The following LATS2 variants were observed in gnomAD, a reference collection of about 807,000 sequenced individuals.
The protein encoded by LATS2 is serine/threonine-protein kinase LATS2.
In LATS2, 24 loss-of-function variants were observed where a neutral mutation model predicts 76.0. The observed-to-expected ratio is 0.32, with a 90% CI of 0.23 to 0.44. The LOEUF (loss-of-function observed/expected upper bound fraction) is 0.44, where lower values mean the gene tolerates loss of function less well. Ranked by LOEUF, LATS2 falls within the 20% of genes least tolerant of loss-of-function variation. The probability of loss-of-function intolerance (pLI) is 1.00; values close to 1 mark genes in which losing one functional copy is unlikely to be tolerated. For missense variants in LATS2, 1,286 were observed against 1,481.2 expected (o/e 0.87, Z 2.16); for synonymous variants, 692 against 635.4 (o/e 1.09, Z -1.34).
intron 2 of LATS2, among the ~76,000 whole-genome samples, chr13:21,018,383 G>C (rs1341231976): frequency 1.7e-5 from 2 of 120,888 alleles, no homozygotes; most frequent in East Asian, 3.2e-4. Flanking sequence ...AAGATGAGGA[G>C]ACAAGGGTTG....
intron 2 of LATS2, among the ~76,000 whole-genome samples, chr13:21,035,590 C>A (rs1249076704): frequency 6.6e-6 from 1 of 152,210 alleles, no homozygotes; most frequent in African/African-American, 2.4e-5. Flanking sequence ...TAGATCTCTA[C>A]AACCACATGA....
At chr13:21,001,982 C>T (rs531001985) in intron 2 of LATS2, among the ~76,000 whole-genome samples, 7 of 151,830 alleles carry the variant, frequency 4.6e-5, no homozygotes, top group East Asian at 3.9e-4. Flanking sequence ...GGCACTATCT[C>T]GGCTCACTGC....
chr13:21,005,532 G>A (rs536186250), intron 2 of LATS2: 11 of 152,202 alleles, frequency 7.2e-5, no homozygotes, highest in Non-Finnish European at 1.6e-4. Flanking sequence ...CTGACAGGAA[G>A]AGTAATAAGA....
rs2770928 is a variant in LATS2, at chr13:20,988,693, C to T, written c.1087G>A (p.Gly363Ser). ...NSLNVDLYEL[G>S]STSVQQWPAA... ...GGCCACTGCTGGACGGAGGTGCTGC[C>T]CAATTCATACAGGTCCACGTTGAGG... The change falls in exon 4 of 8, where the codon GGC (glycine) becomes AGC (serine). Residue 363 changes from glycine to serine, a missense_variant. Transcript: ENST00000382592. 1,375,613 of 1,569,610 alleles carry T rather than the reference C, an allele frequency of 0.88. 604,872 individuals carry two copies. Among genetic ancestry groups the T allele is most frequent in the East Asian group, 1 (44,264 of 44,298 alleles).
intron 4 of LATS2, among the ~76,000 whole-genome samples, chr13:20,985,943 C>T (rs1870120399): frequency 6.6e-6 from 1 of 152,016 alleles, no homozygotes; most frequent in Non-Finnish European, 1.5e-5. Flanking sequence ...GCTCGGTAGG[C>T]TGAGGCAGGA....
rs185326327 is a variant in LATS2 at position 20,989,218 on chromosome 13, C to T, written c.562G>A (p.Gly188Ser). ...DSFASYHQLS[G>S]TPYEGPSFGA... is the part of the protein sequence containing the mutation. ...AAGCTTGGGCCCTCGTAGGGGGTAC[C>T]GCTCAGCTGGTGGTAGGACGCAAAC... The change falls in exon 4 of 8, where the codon GGT (glycine) becomes AGT (serine). Residue 188 changes from glycine (G) to serine (S), a missense_variant. Around this residue, in one of 5 missense-constraint regions of LATS2, gnomAD observed 710 missense variants for 660.9 expected, o/e 1.07. Coordinates refer to ENST00000382592, the MANE Select transcript of LATS2 (RefSeq NM_014572.3). 31 of 1,613,858 alleles carry T rather than the reference C, an allele frequency of 1.9e-5. No homozygotes were observed. Among genetic ancestry groups the T allele is most frequent in the Middle Eastern group, 1.6e-4 (1 of 6,062 alleles).
rs1233689558 is a variant in LATS2, at chr13:20,988,748, C to T, written c.1032G>A (p.Pro344=). 6 of 1,576,172 alleles carry T rather than the reference C, an allele frequency of 3.8e-6. No individual in the cohort carries two copies. Among genetic ancestry groups the T allele is most frequent in the Admixed American group, 3.5e-5 (2 of 57,142 alleles). ...TCCGCGAGGGAGTGAGCAGGCTCTG[C>T]GGGGGGCTGTCGCTGGCGAACACCT... ...RSQVFASDSP[P]QSLLTPSRNS... The change falls in exon 4 of 8, where the codon CCG becomes CCA. Residue 344 remains proline (P), a synonymous_variant. Transcript: ENST00000382592.
chr13:21,058,588 A>G (rs1485552996), intron 1 of LATS2, among the ~76,000 whole-genome samples: 1 of 152,230 alleles, frequency 6.6e-6, no homozygotes, highest in Non-Finnish European at 1.5e-5. Context: ...TCCAATTTAC[A>G]CTTAAACTAT....
chr13:20,991,246 C>T lies in LATS2; in HGVS notation c.475+26G>A. On this transcript the variant is annotated intron_variant, in intron 3 of 7. Coordinates refer to ENST00000382592, the MANE Select transcript of LATS2 (RefSeq NM_014572.3). The surrounding 1 kb of genome is among the most constrained non-coding windows in gnomAD (Gnocchi z 4.9). ...TCCTTAAGCCACAAACCATCTTTGCCCACTATGCTGCAGGCCTGGGCTCAC... is the reference window on the plus strand; with the variant it reads ...TCCTTAAGCCACAAACCATCTTTGCTCACTATGCTGCAGGCCTGGGCTCAC... 6.2e-7 allele frequency: 1 copy of T among 1,613,774 alleles called. No individual in the cohort carries two copies. The highest frequency in any genetic ancestry group is 8.5e-7 in the Non-Finnish European group (1 of 1,179,820).
In LATS2 at chr13:20,988,123, C is replaced by T. The variant is rs748732052; in HGVS notation, c.1657G>A (p.Gly553Ser). The T allele has an allele frequency of 1.2e-6, 2 of 1,614,252 alleles. No individual in the cohort carries two copies. The highest frequency in any genetic ancestry group is 2.2e-5 in the South Asian group (2 of 91,092). ...SLRAGPNEPE[G>S]GDKSRKSAKG... is the part of the protein sequence containing the mutation. The stretch of plus-strand genomic sequence containing the variant: ...GCGCTTTTGCGGCTCTTGTCGCCGC[C>T]CTCGGGCTCGTTGGGGCCCGCACGG... The change falls in exon 4 of 8, where the codon GGC becomes AGC. Residue 553 changes from glycine to serine, a missense_variant. By Grantham distance (56) the Gly-to-Ser change is moderately conservative. Transcript: ENST00000382592.
intron 2 of LATS2, among the ~76,000 whole-genome samples, chr13:21,021,473 T>TC (rs1872058239): frequency 1.5e-4 from 1 of 6,580 alleles, no homozygotes; most frequent in African/African-American, 3.8e-4. Context: ...AGACTCTGTC[T>TC]CAAAAAAAAA....
At chr13:21,025,314 C>G (rs1872266995) in intron 2 of LATS2, among the ~76,000 whole-genome samples, 1 of 151,070 alleles carries the variant, frequency 6.6e-6, no homozygotes, top group Admixed American at 6.6e-5. Context: ...ATCGCTTGAA[C>G]CCGGGAGGCA....
chr13:21,020,287 C>T (rs945852018), intron 2 of LATS2, among the ~76,000 whole-genome samples: 27 of 152,210 alleles, frequency 1.8e-4, no homozygotes, highest in African/African-American at 6.5e-4. Flanking sequence ...AAGTACACGC[C>T]CCCTTTCAGA....
intron 7 of LATS2, among the ~76,000 whole-genome samples, chr13:20,976,022 GT>G (rs1476946136): frequency 1.3e-5 from 2 of 152,186 alleles, no homozygotes; most frequent in Non-Finnish European, 2.9e-5. Flanking sequence ...GCCAACTGGG[GT>G]TTTGAAAAAC....
chr13:21,048,891 A>G (rs1873166601), intron 1 of LATS2, among the ~76,000 whole-genome samples: 1 of 152,164 alleles, frequency 6.6e-6, no homozygotes, highest in South Asian at 2.1e-4. Flanking sequence ...ACTGAATCTC[A>G]GGCACTGATA....
Position 20,974,407 on chromosome 13 carries a change from T to C in LATS2, c.*463A>G, listed in dbSNP as rs1017658215. ...TGTGGATAAAATGGTCTCCGTGACA[T>C]TGAGCAGAGTGTTATCTTTTTTTTT... On this transcript the variant is annotated 3_prime_UTR_variant, in exon 8 of 8. Transcript: ENST00000382592. 1.3e-5 allele frequency: 3 copies of C among 227,188 alleles called. No individual in the cohort carries two copies. Among genetic ancestry groups the C allele is most frequent in the South Asian group, 1.8e-4 (1 of 5,432 alleles). 14.1% of individuals were successfully genotyped at this position (227,188 alleles called of 1,614,324 possible). A position where few individuals can be genotyped will look rare whatever the true frequency, so the allele number is the denominator to read the frequency against.
chr13:21,047,547 G>A (rs1252303928), intron 1 of LATS2, among the ~76,000 whole-genome samples: 1 of 152,106 alleles, frequency 6.6e-6, no homozygotes, highest in Non-Finnish European at 1.5e-5. Flanking sequence ...AGATTTCGAA[G>A]GATAATCATT....
In LATS2 at chr13:21,029,541, C is replaced by T. The variant is rs148638117; in HGVS notation, c.342+16144G>A. On this transcript the variant is annotated intron_variant, in intron 2 of 7. Coordinates refer to ENST00000382592, the MANE Select transcript of LATS2 (RefSeq NM_014572.3). ...GGTGCGGTGGCTCATGCCTGTAATCCCAGGACTTTGGGAGGCCAAGGCAGG... is the reference window on the plus strand; with the variant it reads ...GGTGCGGTGGCTCATGCCTGTAATCTCAGGACTTTGGGAGGCCAAGGCAGG... 5.3e-3 allele frequency among the ~76,000 whole-genome samples: 813 copies of T among 152,216 alleles called. 9 individuals are homozygous for T. Among genetic ancestry groups the T allele is most frequent in the African/African-American group, 0.019 (783 of 41,516 alleles).
chr13:21,003,851 G>A (rs575134734), intron 2 of LATS2, among the ~76,000 whole-genome samples: 2 of 152,324 alleles, frequency 1.3e-5, no homozygotes, highest in African/African-American at 4.8e-5. Context: ...TGGGAGTACA[G>A]GCATGAGCCA....
Sources: gnomAD v4.1 joint callset for allele counts (sites outside exome capture counted in the v4.1 genomes callset) on GRCh38, gnomAD v4.1.1 for gene constraint, gnomAD v4.1.1 regional missense constraint, Gnocchi (gnomAD v3.1) non-coding constraint, MANE v1.5 for transcripts, NCBI Gene and HGNC (gene_info 2026-07-23, HGNC 2026-07-21) for gene names.